Variants in EYS observed in about 807,000 individuals in gnomAD.
The protein encoded by EYS is protein eyes shut homolog.
EYS carries 250 observed loss-of-function variants against 282.1 expected under a neutral mutation model. The observed-to-expected ratio is 0.89, with a 90% CI of 0.80 to 0.98. The LOEUF (loss-of-function observed/expected upper bound fraction) is 0.98. EYS is among the 50% of genes least tolerant of loss of function. The pLI, the probability that EYS is intolerant of heterozygous loss-of-function variation, is 0.00. For missense variants in EYS, 4,016 were observed against 3,709.0 expected (o/e 1.08, Z -2.15); for synonymous variants, 1,355 against 1,282.9 (o/e 1.06, Z -1.20).
At chr6:65,049,271 A>G (rs905670169) in intron 13 of EYS, among the ~76,000 whole-genome samples, 1 of 151,756 alleles carries the variant, frequency 6.6e-6, no homozygotes, top group African/African-American at 2.4e-5. Flanking sequence ...CTCCAGCTTC[A>G]TGTTCTCAGA....
At chr6:64,159,888 T>C (rs1334115078) in intron 31 of EYS, among the ~76,000 whole-genome samples, 1 of 152,196 alleles carries the variant, frequency 6.6e-6, no homozygotes, top group Admixed American at 6.5e-5. Context: ...ATGCTATGCT[T>C]GTTACAGGTT....
At chr6:63,735,897 TAGCTC>T (rs1768899664) in intron 41 of EYS, among the ~76,000 whole-genome samples, 1 of 152,176 alleles carries the variant, frequency 6.6e-6, no homozygotes. Context: ...ACCCTCAACT[TAGCTC>T]TATCTGGTGT....
intron 32 of EYS, among the ~76,000 whole-genome samples, chr6:64,079,807 G>A (rs1396242335): frequency 6.6e-6 from 1 of 152,078 alleles, no homozygotes; most frequent in African/African-American, 2.4e-5. Context: ...CCACCTATCA[G>A]AATATGCGAT....
At chr6:64,169,103 A>G (rs570405049) in intron 31 of EYS, among the ~76,000 whole-genome samples, 1 of 152,356 alleles carries the variant, frequency 6.6e-6, no homozygotes, top group South Asian at 2.1e-4. Flanking sequence ...TGTGAGCTCC[A>G]TAACAGTAAA....
In EYS at chr6:64,590,377, C is replaced by A; in HGVS notation, c.5490G>T (p.Glu1830Asp). Residue 1830 changes from glutamate (E) to aspartate (D), a missense_variant, in exon 26 of 43, where the codon GAG becomes GAT. Coordinates refer to ENST00000503581, the MANE Select transcript of EYS (RefSeq NM_001142800.2). The part of the protein sequence containing the change: ...FTDYMTSLKK[E>D]VKTSSEWSKW... ...TGGACCATTCTGAAGAAGTCTTGAC[C>A]TCTTTTTTAAGAGAGGTCATATAAT... The A allele has an allele frequency of 6.4e-7, 1 of 1,551,266 alleles. No individual in the cohort carries two copies. The highest frequency in any genetic ancestry group is 8.7e-7 in the Non-Finnish European group (1 of 1,146,730).
chr6:65,345,958 C>G (rs1280776390), intron 9 of EYS, among the ~76,000 whole-genome samples: 1 of 151,784 alleles, frequency 6.6e-6, no homozygotes, highest in Non-Finnish European at 1.5e-5. Flanking sequence ...CTAAGGTGGG[C>G]TCTGGAAACA....
At chr6:63,988,021 G>GTCT (rs1037587660) in intron 34 of EYS, among the ~76,000 whole-genome samples, 2 of 151,472 alleles carry the variant, frequency 1.3e-5, no homozygotes, top group African/African-American at 2.4e-5. Flanking sequence ...TTTTTCCTGA[G>GTCT]TATTTCTTCT....
intron 2 of EYS, among the ~76,000 whole-genome samples, chr6:65,529,754 C>T (rs889784234): frequency 2.0e-5 from 3 of 151,960 alleles, no homozygotes; most frequent in African/African-American, 7.3e-5. Context: ...TCATTACAGC[C>T]CTCATGAATG....
At chr6:64,486,569 C>T (rs1776583874) in intron 26 of EYS, among the ~76,000 whole-genome samples, 1 of 151,400 alleles carries the variant, frequency 6.6e-6, no homozygotes, top group Admixed American at 6.6e-5. Flanking sequence ...ATTGCTTGCA[C>T]ATTGGCAGAG....
At chr6:63,761,006 A>C (rs1316246649) in intron 41 of EYS, among the ~76,000 whole-genome samples, 1 of 151,410 alleles carries the variant, frequency 6.6e-6, no homozygotes, top group African/African-American at 2.4e-5. Context: ...AACCATCATA[A>C]TCAGTTTTTA....
chr6:65,628,309 T>A (rs945512419), intron 2 of EYS, among the ~76,000 whole-genome samples: 1 of 151,832 alleles, frequency 6.6e-6, no homozygotes, highest in African/African-American at 2.4e-5. Flanking sequence ...CTAATGGGGA[T>A]GTGAAGAACC....
At chr6:64,025,292 C>A (rs1026598624) in intron 33 of EYS, among the ~76,000 whole-genome samples, 9 of 152,136 alleles carry the variant, frequency 5.9e-5, no homozygotes, top group African/African-American at 2.2e-4. Context: ...CTGGGCTGAG[C>A]TGAGGATCGA....
At chr6:64,848,965 A>T (rs1034746586) in intron 19 of EYS, among the ~76,000 whole-genome samples, 1 of 152,054 alleles carries the variant, frequency 6.6e-6, no homozygotes, top group Non-Finnish European at 1.5e-5. Context: ...TAATATTTTT[A>T]TGCTGGCAGA....
intron 5 of EYS, among the ~76,000 whole-genome samples, chr6:65,432,499 G>A (rs1292548032): frequency 6.6e-6 from 1 of 152,100 alleles, no homozygotes; most frequent in African/African-American, 2.4e-5. Context: ...TATGGGTATA[G>A]GGTTCATTTT....
chr6:64,074,938 T>C (rs540574872), intron 32 of EYS, among the ~76,000 whole-genome samples: 2 of 152,060 alleles, frequency 1.3e-5, no homozygotes, highest in South Asian at 4.1e-4. Context: ...TATTGTACAA[T>C]AGCTCACACT....
intron 12 of EYS, among the ~76,000 whole-genome samples, chr6:65,142,529 A>G (rs1023927321): frequency 1.6e-5 from 2 of 125,900 alleles, no homozygotes; most frequent in African/African-American, 5.9e-5. Flanking sequence ...CAGAGTTCCA[A>G]TACTAATTTC....
intron 13 of EYS, among the ~76,000 whole-genome samples, chr6:65,044,810 C>T (rs546211996): frequency 1.3e-5 from 2 of 151,714 alleles, no homozygotes; most frequent in South Asian, 2.1e-4. Context: ...ATTTTGGTAC[C>T]CTTCCTTATG....
intron 33 of EYS, among the ~76,000 whole-genome samples, chr6:64,011,814 ACAG>A (rs1768646408): frequency 6.6e-6 from 1 of 152,184 alleles, no homozygotes; most frequent in Non-Finnish European, 1.5e-5. Context: ...AGAAAACTGA[ACAG>A]CACCAACTGC....
At position 64,180,727 on chromosome 6, in the gene EYS, T is replaced by C. The variant is rs529966417; in HGVS notation, c.6424+49865A>G. Among the ~76,000 whole-genome samples, 33 of 152,224 alleles carry C rather than the reference T, an allele frequency of 2.2e-4. 1 individual carries two copies. In the South Asian group the frequency reaches 6.6e-3, roughly 31 times the overall value. On this transcript the variant is annotated intron_variant, in intron 31 of 42. Coordinates refer to ENST00000503581, the MANE Select transcript of EYS (RefSeq NM_001142800.2). ...ACAAGTATTTACTGCAAATGTAACA[T>C]TGAGTTGGGTATTACAGGTATCAGA...
Sources: allele counts gnomAD v4.1 joint callset (sites outside exome capture counted in the v4.1 genomes callset), GRCh38; gene constraint gnomAD v4.1.1; transcripts MANE v1.5; gene names NCBI Gene and HGNC (gene_info 2026-07-23, HGNC 2026-07-21).